GNA14: variants seen among roughly 807,000 people sequenced by gnomAD.
GNA14 encodes guanine nucleotide-binding protein subunit alpha-14.
Under a neutral mutation model 42.0 loss-of-function variants are expected in GNA14, and 50 were observed. The observed-to-expected ratio is 1.19, with a 90% CI of 0.95 to 1.51. The LOEUF (loss-of-function observed/expected upper bound fraction) is 1.51, where lower values mean the gene tolerates loss of function less well. GNA14 is among the 40% of genes most tolerant of loss of function. The probability of loss-of-function intolerance (pLI) is 0.00; values close to 1 mark genes in which losing one functional copy is unlikely to be tolerated. For missense variants in GNA14, 473 were observed against 446.2 expected (o/e 1.06, Z -0.54); for synonymous variants, 173 against 163.1 (o/e 1.06, Z -0.46).
intron 1 of GNA14, among the ~76,000 whole-genome samples, chr9:77,593,056 T>C (rs902262354): frequency 4.6e-5 from 7 of 151,858 alleles, no homozygotes; most frequent in South Asian, 2.1e-4. Flanking sequence ...AGGTCTACTG[T>C]GGGGGAGAAG....
chr9:77,567,632 C>T (rs1313946300), intron 1 of GNA14, among the ~76,000 whole-genome samples: 2 of 152,066 alleles, frequency 1.3e-5, no homozygotes, highest in Non-Finnish European at 2.9e-5. Flanking sequence ...TTTGGGAGGC[C>T]GAGGTGGATG....
At chr9:77,537,592 A>G (rs1837613053) in intron 1 of GNA14, among the ~76,000 whole-genome samples, 1 of 152,200 alleles carries the variant, frequency 6.6e-6, no homozygotes, top group Non-Finnish European at 1.5e-5. Flanking sequence ...TCTTTGGATT[A>G]ATACCTAGTA....
chr9:77,484,000 G>A (rs1836611853), intron 2 of GNA14, among the ~76,000 whole-genome samples: 1 of 152,160 alleles, frequency 6.6e-6, no homozygotes, highest in Non-Finnish European at 1.5e-5. Context: ...AAGTCTAAGG[G>A]CAGAATAAGA....
chr9:77,434,624 T>A, intron 2 of GNA14, 102 bp from the exon 3 acceptor site: 1 of 1,024,764 alleles, frequency 9.8e-7, no homozygotes, highest in Non-Finnish European at 1.4e-6. Flanking sequence ...TTTGGAGAGC[T>A]CTCACTAGGC....
At chr9:77,503,056 G>A (rs1483539266) in intron 2 of GNA14, among the ~76,000 whole-genome samples, 2 of 152,116 alleles carry the variant, frequency 1.3e-5, no homozygotes, top group Non-Finnish European at 2.9e-5. Flanking sequence ...TGGGCCCTGA[G>A]GTCCCTGCTC....
chr9:77,511,666 CCTCA>C (rs368978933), intron 2 of GNA14, among the ~76,000 whole-genome samples: 1 of 152,266 alleles, frequency 6.6e-6, no homozygotes, highest in African/African-American at 2.4e-5. Flanking sequence ...CCCTCACAGC[CCTCA>C]CTCACCAGAG....
chr9:77,624,994 C>A (rs1229373360), intron 1 of GNA14, among the ~76,000 whole-genome samples: 1 of 151,694 alleles, frequency 6.6e-6, no homozygotes, highest in Non-Finnish European at 1.5e-5. Flanking sequence ...ATGCAAAGAA[C>A]CTAAGAACCT....
Position 77,425,594 on chromosome 9 carries a change from G to T in GNA14, c.845C>A (p.Ser282Tyr). Residue 282 changes from serine to tyrosine, a missense_variant, in exon 6 of 7, where the codon TCT becomes TAT. Ser to Tyr is a moderately radical substitution (Grantham distance 144). Coordinates refer to ENST00000341700, the MANE Select transcript of GNA14 (RefSeq NM_004297.4). Reference sequence around the variant, plus strand: ...TTCTGGGAAATAGCTAATTAGATGAGAGTACATGATTTTCTCTTCCAAAAG... The same window carrying T: ...TTCTGGGAAATAGCTAATTAGATGATAGTACATGATTTTCTCTTCCAAAAG... Reference protein sequence around the residue: ...KDLLEEKIMYSHLISYFPEYT... With the variant: ...KDLLEEKIMYYHLISYFPEYT... The T allele has an allele frequency of 6.2e-7, 1 of 1,609,010 alleles. No individual in the cohort carries two copies. The highest frequency in any genetic ancestry group is 8.5e-7 in the Non-Finnish European group (1 of 1,176,208).
At chr9:77,529,005 T>G in intron 2 of GNA14, 64 bp downstream of exon 2, 1 of 1,358,814 alleles carries the variant, frequency 7.4e-7, no homozygotes, top group Non-Finnish European at 1.1e-6. Context: ...AGGGAATCTT[T>G]GTGCTAACCA....
chr9:77,523,949 G>T (rs562191126), intron 2 of GNA14, among the ~76,000 whole-genome samples: 43 of 152,286 alleles, frequency 2.8e-4, no homozygotes, highest in African/African-American at 9.9e-4. Flanking sequence ...AAGTTCAAGA[G>T]ACTGCAAACA....
At chr9:77,638,910 T>C (rs981817924) in intron 1 of GNA14, among the ~76,000 whole-genome samples, 2 of 152,186 alleles carry the variant, frequency 1.3e-5, no homozygotes, top group Non-Finnish European at 2.9e-5. Context: ...GATACATGTG[T>C]GAAATTTTCA....
intron 1 of GNA14, among the ~76,000 whole-genome samples, chr9:77,593,002 C>A (rs1055430706): frequency 1.3e-5 from 2 of 151,844 alleles, no homozygotes; most frequent in African/African-American, 2.4e-5. Context: ...ATCAATTATT[C>A]CTAGAAAAAG....
chr9:77,549,955 G>A (rs552429960), intron 1 of GNA14, among the ~76,000 whole-genome samples: 6 of 152,244 alleles, frequency 3.9e-5, no homozygotes, highest in South Asian at 2.1e-4. Flanking sequence ...CCAGTCCATC[G>A]TCTTGGGGGT....
chr9:77,591,129 C>G (rs957989547), intron 1 of GNA14, among the ~76,000 whole-genome samples: 1 of 152,216 alleles, frequency 6.6e-6, no homozygotes, highest in Non-Finnish European at 1.5e-5. Context: ...TGAAATACTG[C>G]ATTTTCAGGA....
intron 2 of GNA14, among the ~76,000 whole-genome samples, chr9:77,438,978 G>A (rs1427547631): frequency 6.6e-6 from 1 of 152,228 alleles, no homozygotes; most frequent in Non-Finnish European, 1.5e-5. Flanking sequence ...AAGTTTGCCA[G>A]TTGTTCCAGG....
intron 1 of GNA14, among the ~76,000 whole-genome samples, chr9:77,607,123 A>G (rs1823655141): frequency 6.6e-6 from 1 of 152,162 alleles, no homozygotes; most frequent in African/African-American, 2.4e-5. Context: ...TGATTAAGAC[A>G]TTTTTCTCTT....
At chr9:77,562,952 C>T (rs150885459) in intron 1 of GNA14, among the ~76,000 whole-genome samples, 1 of 152,266 alleles carries the variant, frequency 6.6e-6, no homozygotes, top group African/African-American at 2.4e-5. Flanking sequence ...ATTCCAGCCC[C>T]AGCCAGCATT....
At chr9:77,494,108 A>T (rs2131738482) in intron 2 of GNA14, among the ~76,000 whole-genome samples, 1 of 152,156 alleles carries the variant, frequency 6.6e-6, no homozygotes, top group South Asian at 2.1e-4. Context: ...TCTTTAGTAG[A>T]GACGGGGTTT....
intron 2 of GNA14, among the ~76,000 whole-genome samples, chr9:77,441,220 G>A (rs1305138562): frequency 1.3e-5 from 2 of 152,182 alleles, no homozygotes; most frequent in African/African-American, 4.8e-5. Flanking sequence ...GGAGGGACCT[G>A]GTGGGAGGTG....
Sources: allele counts gnomAD v4.1 joint callset (sites outside exome capture counted in the v4.1 genomes callset), GRCh38; gene constraint gnomAD v4.1.1; transcripts MANE v1.5; gene names NCBI Gene and HGNC (gene_info 2026-07-23, HGNC 2026-07-21).